SPA17: variants seen among roughly 807,000 people sequenced by gnomAD.
SPA17 encodes the protein sperm surface protein Sp17.
SPA17 carries 7 observed loss-of-function variants against 13.8 expected under a neutral mutation model. That is an observed-to-expected ratio of 0.51 (90% CI 0.29 to 0.95). SPA17 has a LOEUF of 0.95. Ranked by LOEUF, SPA17 falls within the 40% of genes least tolerant of loss-of-function variation. The pLI, the probability that SPA17 is intolerant of heterozygous loss-of-function variation, is 0.08. For missense variants in SPA17, 170 were observed against 179.3 expected, an observed-to-expected ratio of 0.95 and a Z score of 0.30; for synonymous variants, 61 against 59.0, an observed-to-expected ratio of 1.03 and a Z score of -0.16.
intron 3 of SPA17, among the ~76,000 whole-genome samples, chr11:124,683,538 A>G (rs1943547259): frequency 7.4e-6 from 1 of 135,262 alleles, no homozygotes; most frequent in Non-Finnish European, 1.5e-5. Context: ...GATTTCTTTA[A>G]AAAAAAAAAA....
intron 3 of SPA17, among the ~76,000 whole-genome samples, chr11:124,689,771 AAAAG>A (rs763194630): frequency 1.3e-5 from 2 of 151,782 alleles, no homozygotes; most frequent in African/African-American, 4.8e-5. Flanking sequence ...AAAAAAAAGA[AAAAG>A]AAAAAGAAAA....
chr11:124,678,052 G>A (rs957716879), intron 2 of SPA17, among the ~76,000 whole-genome samples: 4 of 151,952 alleles, frequency 2.6e-5, no homozygotes, highest in Admixed American at 1.3e-4. Flanking sequence ...TTCCAGGAGG[G>A]GAACTTAGCA....
At position 124,675,261 on chromosome 11, in the gene SPA17, G is replaced by A. The variant is rs1175028695; in HGVS notation, c.-4G>A. On this transcript the variant is annotated 5_prime_UTR_variant, in exon 2 of 5. Coordinates refer to ENST00000227135, the MANE Select transcript of SPA17 (RefSeq NM_017425.4). ...AGGTTCCATAGGCAGTTCTTACCAA[G>A]AAGATGTCGATTCCATTCTCCAACA... 8 of 1,611,048 alleles carry A rather than the reference G, an allele frequency of 5.0e-6. No homozygotes were observed. Among genetic ancestry groups the A allele is most frequent in the Non-Finnish European group, 6.8e-6 (8 of 1,179,210 alleles).
intron 4 of SPA17, among the ~76,000 whole-genome samples, chr11:124,692,215 G>A (rs902356973): frequency 1.3e-5 from 2 of 152,168 alleles, no homozygotes; most frequent in Non-Finnish European, 2.9e-5. Flanking sequence ...CAACAATGTG[G>A]CTTATTCATC....
chr11:124,684,292 C>A (rs1943555992), intron 3 of SPA17, among the ~76,000 whole-genome samples: 1 of 151,526 alleles, frequency 6.6e-6, no homozygotes, highest in Admixed American at 6.6e-5. Context: ...GGCAGAGTCT[C>A]ATTCTGTCAC....
At chr11:124,690,904 A>C (rs1943617881) in intron 3 of SPA17, among the ~76,000 whole-genome samples, 1 of 152,220 alleles carries the variant, frequency 6.6e-6, no homozygotes, top group South Asian at 2.1e-4. Flanking sequence ...TTGTGCCTGC[A>C]GGTATGGGTG....
At chr11:124,689,893 A>T (rs1943609803) in intron 3 of SPA17, among the ~76,000 whole-genome samples, 1 of 152,236 alleles carries the variant, frequency 6.6e-6, no homozygotes, top group African/African-American at 2.4e-5. Context: ...GAGAAGTACA[A>T]ATCAAAACTA....
chr11:124,676,247 G>A (rs1436887343), intron 2 of SPA17: 1 of 152,292 alleles, frequency 6.6e-6, no homozygotes, highest in African/African-American at 2.4e-5. Context: ...GATTCAAGAC[G>A]GTAGTGAGCT....
chr11:124,687,582 AC>A (rs1943588354), intron 3 of SPA17, among the ~76,000 whole-genome samples: 1 of 152,216 alleles, frequency 6.6e-6, no homozygotes, highest in African/African-American at 2.4e-5. Context: ...ATCCAACAGC[AC>A]ATCAAAAAGG....
At position 124,682,452 on chromosome 11, in the gene SPA17, G is replaced by A. The variant is rs151190107; in HGVS notation, c.225+993G>A. Reference sequence around the variant, plus strand: ...ATACTGATTTTTAAATATGGTCAGTGAGGTGCAAGAGAAATCTGAAAACCA... The same window carrying A: ...ATACTGATTTTTAAATATGGTCAGTAAGGTGCAAGAGAAATCTGAAAACCA... On this transcript the variant is annotated intron_variant, in intron 3 of 4. Transcript: ENST00000227135. Among the ~76,000 whole-genome samples, 1,178 of 152,202 alleles carry A rather than the reference G, an allele frequency of 7.7e-3. 4 individuals carry two copies. Among genetic ancestry groups the A allele is most frequent in the Non-Finnish European group, 0.012 (832 of 67,992 alleles).
chr11:124,694,580 C>T lies in SPA17; in HGVS notation c.*134C>T, dbSNP rs1943655754. The T allele has an allele frequency of 8.2e-7, 1 of 1,221,736 alleles. No individual in the cohort carries two copies. Among genetic ancestry groups the T allele is most frequent in the African/African-American group, 1.5e-5 (1 of 65,790 alleles). The allele number at this position is 1,221,736 out of a possible 1,614,324, so 75.7% of individuals were successfully genotyped here. ...ATTCGTTACTGTTGTGAAAATCTGT[C>T]ATGAGCATTTGTTTAATAAGCATAC... is the stretch of plus-strand genomic sequence containing the variant. On this transcript the variant is annotated 3_prime_UTR_variant, in exon 5 of 5. Transcript: ENST00000227135.
At chr11:124,678,212 T>C (rs941163685) in intron 2 of SPA17, among the ~76,000 whole-genome samples, 7 of 151,986 alleles carry the variant, frequency 4.6e-5, no homozygotes, top group Admixed American at 3.3e-4. Flanking sequence ...CTGAATTATA[T>C]ATATAGCTGT....
intron 1 of SPA17, 150 bp from the exon 2 acceptor site, chr11:124,675,086 CTT>C: frequency 2.9e-6 from 2 of 680,862 alleles, no homozygotes; most frequent in Non-Finnish European, 4.6e-6. Flanking sequence ...TTTCAAAACT[CTT>C]TGGAAGAAAT....
At chr11:124,691,542 A>G (rs1053646420) in intron 3 of SPA17, among the ~76,000 whole-genome samples, 154 bp from the exon 4 acceptor site, 1 of 152,178 alleles carries the variant, frequency 6.6e-6, no homozygotes, top group Non-Finnish European at 1.5e-5. Flanking sequence ...TCTTGTTTCA[A>G]TGTATTTTCC....
chr11:124,677,365 C>G (rs1943478571), intron 2 of SPA17, among the ~76,000 whole-genome samples: 2 of 152,076 alleles, frequency 1.3e-5, no homozygotes, highest in Admixed American at 1.3e-4. Context: ...TGATGGGGAA[C>G]ATGTTAGTAT....
At chr11:124,674,773 G>A (rs2134402866) in intron 1 of SPA17, 1 of 153,942 alleles carries the variant, frequency 6.5e-6, no homozygotes, top group Admixed American at 6.5e-5. Flanking sequence ...TGGCAGCAAG[G>A]GGAAAGATTG....
At position 124,697,395 on chromosome 11, in the gene SPA17, C is replaced by T. The variant is rs1331703738; in HGVS notation, c.*2949C>T. On this transcript the variant is annotated 3_prime_UTR_variant, in exon 5 of 5. Transcript: ENST00000227135. ...AAGGGTCAGCTGCAGCACAGTGCCT[C>T]TGCTTCACGTGTCCTTTTCTGAGCC... is the stretch of plus-strand genomic sequence containing the variant. 6.6e-6 allele frequency: 1 copy of T among 152,266 alleles called. No individual in the cohort carries two copies. The highest frequency in any genetic ancestry group is 2.4e-5 in the African/African-American group (1 of 41,446). The allele number at this position is 152,266 out of a possible 1,614,324, so 9.4% of individuals were successfully genotyped here.
chr11:124,694,248 C>T, intron 4 of SPA17, 55 bp from the exon 5 acceptor site: 1 of 1,570,182 alleles, frequency 6.4e-7, no homozygotes, highest in East Asian at 2.3e-5. Context: ...ATTTTTGTGG[C>T]ATCAAAACTA....
intron 2 of SPA17, among the ~76,000 whole-genome samples, chr11:124,678,743 G>A (rs1421335114): frequency 1.3e-5 from 2 of 151,880 alleles, no homozygotes; most frequent in East Asian, 1.9e-4. Context: ...TTTGTTTTTT[G>A]TTTTGGCAGA....
Sources: gnomAD v4.1 joint callset for allele counts (sites outside exome capture counted in the v4.1 genomes callset) on GRCh38, gnomAD v4.1.1 for gene constraint, MANE v1.5 for transcripts, NCBI Gene and HGNC (gene_info 2026-07-23, HGNC 2026-07-21) for gene names.